Variants in PRDM13 observed in about 807,000 individuals in gnomAD.
PRDM13 encodes the protein PR/SET domain 13, also known as PR domain zinc finger protein 13.
In PRDM13, 15 loss-of-function variants were observed where a neutral mutation model predicts 36.4. The observed-to-expected ratio is 0.41, with a 90% confidence interval of 0.28 to 0.64. The LOEUF (loss-of-function observed/expected upper bound fraction) is 0.64, where lower values mean the gene tolerates loss of function less well. Among genes scored for constraint, PRDM13 ranks in the 30% least tolerant of loss-of-function variants. The pLI, the probability that PRDM13 is intolerant of heterozygous loss-of-function variation, is 0.29. For missense variants in PRDM13, 1,044 were observed against 1,013.5 expected, an observed-to-expected ratio of 1.03 and a Z score of -0.41; for synonymous variants, 531 against 467.7, an observed-to-expected ratio of 1.14 and a Z score of -1.75.
Position 99,606,917 on chromosome 6 carries a change from G to C in PRDM13, c.-118G>C. ...TGCATGCCCGCCCGCGTCACTCCGCGGGCGGAGGACGCACGTCGGGGCGCG... is the reference window on the plus strand; with the variant it reads ...TGCATGCCCGCCCGCGTCACTCCGCCGGCGGAGGACGCACGTCGGGGCGCG... On this transcript the variant is annotated 5_prime_UTR_variant, in exon 1 of 4. Transcript: ENST00000369215. 1 of 1,330,296 alleles carries C rather than the reference G, an allele frequency of 7.5e-7. No individual in the cohort carries two copies. Among genetic ancestry groups the C allele is most frequent in the Non-Finnish European group, 9.9e-7 (1 of 1,010,000 alleles). The allele number at this position is 1,330,296 out of a possible 1,614,324, so 82.4% of individuals were successfully genotyped here.
intron 2 of PRDM13, 72 bp from the exon 3 acceptor site, chr6:99,609,115 C>G: frequency 6.4e-7 from 1 of 1,556,290 alleles, no homozygotes; most frequent in Non-Finnish European, 8.8e-7. Flanking sequence ...GGATTTGAAC[C>G]TTTCTTCTCA....
Position 99,613,286 on chromosome 6 carries a change from A to G in PRDM13, c.651A>G (p.Pro217=). Residue 217 remains proline (P), a synonymous_variant, in exon 4 of 4, where the codon CCA becomes CCG. Transcript: ENST00000369215. This position sits in a 1 kb window ranked among gnomAD's most constrained non-coding sequence, Gnocchi z 6.1. ...TLRPHPLGPP[P]VQACGAREGI... ...GACCCCACCCCCTGGGCCCGCCACC[A>G]GTTCAGGCCTGCGGTGCGCGGGAGG... 6.3e-7 allele frequency: 1 copy of G among 1,587,236 alleles called. No homozygotes were observed. The highest frequency in any genetic ancestry group is 1.1e-5 in the South Asian group (1 of 88,050).
intron 3 of PRDM13, among the ~76,000 whole-genome samples, chr6:99,609,896 A>ATT (rs1491576482): frequency 7.6e-6 from 1 of 130,824 alleles, no homozygotes; most frequent in Non-Finnish European, 1.6e-5. Flanking sequence ...AAATAAATAA[A>ATT]TAAAAATAAA....
At chr6:99,607,299 G>T in intron 1 of PRDM13, 121 bp downstream of exon 1, 1 of 1,383,600 alleles carries the variant, frequency 7.2e-7, no homozygotes, top group Non-Finnish European at 9.8e-7. Flanking sequence ...AATTCTGCCG[G>T]GTGGAAGGGG....
At chr6:99,608,489 C>T (rs1039061144) in intron 1 of PRDM13, among the ~76,000 whole-genome samples, 1 of 152,110 alleles carries the variant, frequency 6.6e-6, no homozygotes, top group African/African-American at 2.4e-5. Context: ...CTCAACACCC[C>T]TCTCCCCTCC....
chr6:99,612,433 G>A (rs978165207), intron 3 of PRDM13, among the ~76,000 whole-genome samples: 2 of 152,160 alleles, frequency 1.3e-5, no homozygotes, highest in African/African-American at 2.4e-5. Flanking sequence ...AGTTGGTCAC[G>A]CTCCAGGAAA....
In PRDM13 at chr6:99,613,639, C is replaced by T. The variant is rs775639119; in HGVS notation, c.1004C>T (p.Ala335Val). Reference sequence around the variant, plus strand: ...GGCAGGCTGCTGGGCGGGGGCCGGGCGTGCGGGCGCCCCGGGAGCGGGGAG... The same window carrying T: ...GGCAGGCTGCTGGGCGGGGGCCGGGTGTGCGGGCGCCCCGGGAGCGGGGAG... ...ALGRLLGGGR[A>V]CGRPGSGENS... is the part of the protein sequence containing the mutation. The change falls in exon 4 of 4, where the codon GCG (alanine) becomes GTG (valine). Residue 335 changes from alanine to valine, a missense_variant. By Grantham distance (64) the Ala-to-Val change is moderately conservative. This residue lies in a region of PRDM13 where 921 missense variants were observed against 865.2 expected (regional missense o/e 1.06). Coordinates refer to ENST00000369215, the MANE Select transcript of PRDM13 (RefSeq NM_021620.4). This position sits in a 1 kb window ranked among gnomAD's most constrained non-coding sequence, Gnocchi z 6.1. The T allele has an allele frequency of 1.4e-6, 2 of 1,436,850 alleles. No individual in the cohort carries two copies. Among genetic ancestry groups the T allele is most frequent in the African/African-American group, 3.0e-5 (2 of 66,326 alleles). The allele number at this position is 1,436,850 out of a possible 1,614,324, so 89.0% of individuals were successfully genotyped here. A position where few individuals can be genotyped will look rare whatever the true frequency, so the allele number is the denominator to read the frequency against.
intron 3 of PRDM13, among the ~76,000 whole-genome samples, chr6:99,610,707 T>TA (rs1369398741): frequency 6.6e-6 from 1 of 152,182 alleles, no homozygotes; most frequent in Non-Finnish European, 1.5e-5. Context: ...CTTCTTCCAG[T>TA]AAAAAGAGAA....
At chr6:99,610,999 T>C (rs542265100) in intron 3 of PRDM13, among the ~76,000 whole-genome samples, 3 of 152,198 alleles carry the variant, frequency 2.0e-5, no homozygotes, top group Admixed American at 6.5e-5. Context: ...TTGGAGAAGT[T>C]TGAACTCTTG....
intron 3 of PRDM13, 77 bp downstream of exon 3, chr6:99,609,384 C>G: frequency 6.5e-7 from 1 of 1,529,898 alleles, no homozygotes. Flanking sequence ...CTAGACATAG[C>G]TCGATCTATG....
chr6:99,609,262 T>C lies in PRDM13; in HGVS notation c.352T>C (p.Trp118Arg), dbSNP rs1038570838. The C allele has an allele frequency of 3.1e-6, 5 of 1,613,978 alleles. No individual in the cohort carries two copies. The Middle Eastern group carries it at 6.6e-4, about 213-fold the overall frequency. ...TVWYSNSLAQ[W>R]FDIPTTATPT... ...GTGGTATTCTAACTCCTTGGCTCAGTGGTTCGACATCCCCACCACAGCGAC... is the reference window on the plus strand; with the variant it reads ...GTGGTATTCTAACTCCTTGGCTCAGCGGTTCGACATCCCCACCACAGCGAC... Residue 118 changes from tryptophan to arginine, a missense_variant, in exon 3 of 4, where the codon TGG (tryptophan) becomes CGG (arginine). Physicochemically the swap from Trp to Arg is moderately radical, Grantham distance 101. This residue lies in a region of PRDM13 where 921 missense variants were observed against 865.2 expected (regional missense o/e 1.06). Transcript: ENST00000369215.
At position 99,608,765 on chromosome 6, in the gene PRDM13, G is replaced by A. The variant is rs777452565; in HGVS notation, c.169G>A (p.Val57Met). The part of the protein sequence containing the change: ...KKVRMVRGEL[V>M]DESGGSPLEW... Reference sequence around the variant, plus strand: ...GGTGCGCATGGTGAGAGGGGAGCTGGTGGACGAGTCGGGGGGCTCCCCTCT... The same window carrying A: ...GGTGCGCATGGTGAGAGGGGAGCTGATGGACGAGTCGGGGGGCTCCCCTCT... Residue 57 changes from valine to methionine, a missense_variant, in exon 2 of 4, where the codon GTG (valine) becomes ATG (methionine). Transcript: ENST00000369215. 2.0e-5 allele frequency: 32 copies of A among 1,611,820 alleles called. No individual in the cohort carries two copies. The highest frequency in any genetic ancestry group is 1.7e-4 in the Middle Eastern group (1 of 5,956).
chr6:99,613,191 G>C lies in PRDM13; in HGVS notation c.556G>C (p.Asp186His). 1 of 1,612,458 alleles carries C rather than the reference G, an allele frequency of 6.2e-7. No individual in the cohort carries two copies. Among genetic ancestry groups the C allele is most frequent in the South Asian group, 1.1e-5 (1 of 91,040 alleles). Reference sequence around the variant, plus strand: ...TCGCCAAGGCGCCGTCCCAGCGGCTGATGGCCTCGGTCTCTCCCCAAAACC... The same window carrying C: ...TCGCCAAGGCGCCGTCCCAGCGGCTCATGGCCTCGGTCTCTCCCCAAAACC... ...AARQGAVPAA[D>H]GLGLSPKPPA... Residue 186 changes from aspartate (D) to histidine (H), a missense_variant, in exon 4 of 4, where the codon GAT becomes CAT. By Grantham distance (81) the Asp-to-His change is moderately conservative. Coordinates refer to ENST00000369215, the MANE Select transcript of PRDM13 (RefSeq NM_021620.4). The surrounding 1 kb of genome is among the most constrained non-coding windows in gnomAD (Gnocchi z 6.1).
At position 99,607,187 on chromosome 6, in the gene PRDM13, C is replaced by T. The variant is rs1583613133; in HGVS notation, c.144+9C>T. On this transcript the variant is annotated intron_variant, in intron 1 of 3. Transcript: ENST00000369215. ...CCGGGCCTAAGAAAAAGGTATTGAC[C>T]ATTCAGACCTCTGCCCACTGCCATT... The T allele has an allele frequency of 6.2e-7, 1 of 1,613,010 alleles. No individual in the cohort carries two copies. Among genetic ancestry groups the T allele is most frequent in the Non-Finnish European group, 8.5e-7 (1 of 1,179,868 alleles).
rs1770109193 is a variant in PRDM13, at chr6:99,614,914, A to G, written c.*155A>G. 9.9e-6 allele frequency: 10 copies of G among 1,008,312 alleles called. No homozygotes were observed. Among genetic ancestry groups the G allele is most frequent in the Non-Finnish European group, 1.1e-5 (8 of 712,428 alleles). The allele number at this position is 1,008,312 out of a possible 1,614,324, so 62.5% of individuals were successfully genotyped here. On this transcript the variant is annotated 3_prime_UTR_variant, in exon 4 of 4. Transcript: ENST00000369215. ...CAGATTTGAAACAGTGAGAGGTCCCACATCTGGTGCTGAAACTCAGAGCAA... is the reference window on the plus strand; with the variant it reads ...CAGATTTGAAACAGTGAGAGGTCCCGCATCTGGTGCTGAAACTCAGAGCAA...
intron 1 of PRDM13, 119 bp from the exon 2 acceptor site, chr6:99,608,622 T>C (rs531643394): frequency 1.4e-6 from 2 of 1,389,962 alleles, no homozygotes; most frequent in South Asian, 1.5e-5. Context: ...CCCATAGTGG[T>C]CTGGCCAAAC....
Position 99,613,374 on chromosome 6 carries a change from C to A in PRDM13, c.739C>A (p.Gln247Lys), listed in dbSNP as rs776751713. Reference sequence around the variant, plus strand: ...CTCGCCGACCCCAGGCAAGTGGGGGCAGCCCAAGAAGGGCAAGGAGCAGCT... The same window carrying A: ...CTCGCCGACCCCAGGCAAGTGGGGGAAGCCCAAGAAGGGCAAGGAGCAGCT... The part of the protein sequence containing the change: ...ATSPTPGKWG[Q>K]PKKGKEQLDR... The change falls in exon 4 of 4, where the codon CAG (glutamine) becomes AAG (lysine). Residue 247 changes from glutamine (Q) to lysine (K), a missense_variant. Gln to Lys is a moderately conservative substitution (Grantham distance 53). This residue lies in a region of PRDM13 where 921 missense variants were observed against 865.2 expected (regional missense o/e 1.06). Transcript: ENST00000369215. This position sits in a 1 kb window ranked among gnomAD's most constrained non-coding sequence, Gnocchi z 6.1. The A allele has an allele frequency of 3.2e-6, 5 of 1,550,738 alleles. No homozygotes were observed. The East Asian group carries it at 9.5e-5, about 30-fold the overall frequency.
At position 99,614,088 on chromosome 6, in the gene PRDM13, C is replaced by T. The variant is rs1238023926; in HGVS notation, c.1453C>T (p.His485Tyr). 1.2e-6 allele frequency: 2 copies of T among 1,600,466 alleles called. No homozygotes were observed. The highest frequency in any genetic ancestry group is 8.5e-7 in the Non-Finnish European group (1 of 1,174,030). The change falls in exon 4 of 4, where the codon CAC (histidine) becomes TAC (tyrosine). Residue 485 changes from histidine to tyrosine, a missense_variant. Physicochemically the swap from His to Tyr is moderately conservative, Grantham distance 83. This residue lies in a region of PRDM13 where 921 missense variants were observed against 865.2 expected (regional missense o/e 1.06). Transcript: ENST00000369215. ...CACCGCTTATTACCCGCTCAAATTG[C>T]ACTTCGGCGGGCTGCTGAAGTATCC... ...ATTAYYPLKL[H>Y]FGGLLKYPES...
chr6:99,614,445 A>C lies in PRDM13; in HGVS notation c.1810A>C (p.Lys604Gln), dbSNP rs1248403278. 1 of 1,613,638 alleles carries C rather than the reference A, an allele frequency of 6.2e-7. No individual in the cohort carries two copies. The highest frequency in any genetic ancestry group is 8.5e-7 in the Non-Finnish European group (1 of 1,180,014). Residue 604 changes from lysine (K) to glutamine (Q), a missense_variant, in exon 4 of 4, where the codon AAA (lysine) becomes CAA (glutamine). By Grantham distance (53) the Lys-to-Gln change is moderately conservative (BLOSUM62 1). This residue lies in a region of PRDM13 where 921 missense variants were observed against 865.2 expected (regional missense o/e 1.06). Transcript: ENST00000369215. ...CACGGGCTACAAGCCACTCAAGTGC[A>C]AAGTCTGTCTGCGGCCCTTCGGCGA... ...THTGYKPLKC[K>Q]VCLRPFGDPS...
Sources: allele counts gnomAD v4.1 joint callset (sites outside exome capture counted in the v4.1 genomes callset), GRCh38; gene constraint gnomAD v4.1.1; regional missense constraint gnomAD v4.1.1; non-coding constraint Gnocchi (gnomAD v3.1); transcripts MANE v1.5; gene names NCBI Gene and HGNC (gene_info 2026-07-23, HGNC 2026-07-21).